Variants in EHBP1 observed in about 807,000 individuals in gnomAD.
EHBP1 encodes the protein EH domain binding protein 1, also known as EH domain-binding protein 1.
EHBP1 carries 55 observed loss-of-function variants against 144.0 expected under a neutral mutation model. The ratio of observed to expected loss-of-function variants is 0.38; its 90% CI spans 0.31 to 0.48. The LOEUF is 0.48. Among genes scored for constraint, EHBP1 ranks in the 20% least tolerant of loss-of-function variants. The pLI is 0.98. For missense variants in EHBP1, 1,200 were observed against 1,364.2 expected (o/e 0.88, Z 1.90); for synonymous variants, 469 against 472.7 (o/e 0.99, Z 0.10).
chr2:62,837,800 T>C (rs940477120), intron 7 of EHBP1, among the ~76,000 whole-genome samples: 21 of 152,130 alleles, frequency 1.4e-4, no homozygotes, highest in African/African-American at 5.1e-4. Flanking sequence ...TTATCCTAAA[T>C]ATATATGCAC....
chr2:62,844,471 G>A (rs954234646), intron 7 of EHBP1, among the ~76,000 whole-genome samples: 2 of 152,126 alleles, frequency 1.3e-5, no homozygotes, highest in African/African-American at 2.4e-5. Flanking sequence ...AGACCTTGGA[G>A]CTGGAGAAAA....
At chr2:62,964,637 A>G (rs1418018419) in intron 14 of EHBP1, among the ~76,000 whole-genome samples, 1 of 152,188 alleles carries the variant, frequency 6.6e-6, no homozygotes, top group African/African-American at 2.4e-5. Context: ...ACTTGATGTA[A>G]AATAATCTGA....
intron 9 of EHBP1, among the ~76,000 whole-genome samples, chr2:62,872,793 T>G (rs2050591875): frequency 6.6e-6 from 1 of 152,162 alleles, no homozygotes; most frequent in Non-Finnish European, 1.5e-5. Context: ...ACTAATCTAC[T>G]TTCTGTTTCT....
chr2:62,765,141 T>A (rs2041075978), intron 4 of EHBP1, among the ~76,000 whole-genome samples: 1 of 152,128 alleles, frequency 6.6e-6, no homozygotes, highest in Non-Finnish European at 1.5e-5. Flanking sequence ...CTAGAAGCAA[T>A]TCTCATTACA....
intron 7 of EHBP1, among the ~76,000 whole-genome samples, chr2:62,838,425 A>G (rs1216584120): frequency 6.6e-6 from 1 of 151,952 alleles, no homozygotes; most frequent in African/African-American, 2.4e-5. Flanking sequence ...ATCACAATTA[A>G]AAGAACTAGA....
intron 2 of EHBP1, among the ~76,000 whole-genome samples, chr2:62,720,955 G>A (rs2036170256): frequency 6.6e-6 from 1 of 152,080 alleles, no homozygotes; most frequent in African/African-American, 2.4e-5. Flanking sequence ...CTTTTTTTGG[G>A]TAAAATTTGA....
chr2:62,700,169 TA>T (rs540027288), intron 1 of EHBP1, among the ~76,000 whole-genome samples: 25 of 146,882 alleles, frequency 1.7e-4, no homozygotes, highest in African/African-American at 2.2e-4. Flanking sequence ...AATGATAGAG[TA>T]AAAAAAAAAG....
At chr2:62,953,131 T>C (rs752003333) in intron 13 of EHBP1, among the ~76,000 whole-genome samples, 3 of 149,502 alleles carry the variant, frequency 2.0e-5, no homozygotes, top group Non-Finnish European at 3.0e-5. Flanking sequence ...GCAGGAGAAT[T>C]GCTTGAACCC....
chr2:62,722,947 A>T (rs1348250384), intron 2 of EHBP1, among the ~76,000 whole-genome samples: 1 of 152,212 alleles, frequency 6.6e-6, no homozygotes, highest in African/African-American at 2.4e-5. Context: ...ATTTTAGAGT[A>T]TGTGCCAAGT....
At chr2:62,721,351 C>G (rs2036206299) in intron 2 of EHBP1, among the ~76,000 whole-genome samples, 1 of 152,178 alleles carries the variant, frequency 6.6e-6, no homozygotes, top group South Asian at 2.1e-4. Flanking sequence ...ATCAACGTGA[C>G]TTATCACTGG....
chr2:62,966,065 C>T (rs184678862), intron 14 of EHBP1, among the ~76,000 whole-genome samples: 9 of 152,314 alleles, frequency 5.9e-5, no homozygotes, highest in Admixed American at 5.2e-4. Context: ...ACTAAATATA[C>T]AGCCAAGCTT....
At chr2:63,013,140 G>A (rs767455451) in intron 19 of EHBP1, among the ~76,000 whole-genome samples, 12 of 152,150 alleles carry the variant, frequency 7.9e-5, no homozygotes, top group Non-Finnish European at 1.8e-4. Flanking sequence ...TACATAGTGA[G>A]CAATAAGCCT....
At chr2:62,841,058 T>A (rs929824987) in intron 7 of EHBP1, among the ~76,000 whole-genome samples, 1 of 152,090 alleles carries the variant, frequency 6.6e-6, no homozygotes, top group Non-Finnish European at 1.5e-5. Flanking sequence ...TATTGCGGCA[T>A]TATTCACAAT....
chr2:62,991,712 G>A (rs1342544674), intron 16 of EHBP1, among the ~76,000 whole-genome samples: 1 of 152,134 alleles, frequency 6.6e-6, no homozygotes, highest in Non-Finnish European at 1.5e-5. Context: ...ACAGTGATTA[G>A]TATTTCTGTA....
At chr2:62,969,421 G>A (rs1469189892) in intron 14 of EHBP1, among the ~76,000 whole-genome samples, 4 of 152,092 alleles carry the variant, frequency 2.6e-5, no homozygotes, top group Non-Finnish European at 5.9e-5. Context: ...AATACTTGCT[G>A]TATCTTGAAA....
intron 10 of EHBP1, among the ~76,000 whole-genome samples, chr2:62,903,362 T>C (rs1431823891): frequency 1.3e-5 from 2 of 152,186 alleles, no homozygotes; most frequent in Non-Finnish European, 2.9e-5. Context: ...GTTCTAATTT[T>C]AAAATATGTA....
At chr2:62,953,693 A>C (rs1056141933) in intron 13 of EHBP1, among the ~76,000 whole-genome samples, 6 of 152,112 alleles carry the variant, frequency 3.9e-5, no homozygotes, top group African/African-American at 1.4e-4. Flanking sequence ...ACTACTACTA[A>C]TGTTTATTTT....
intron 7 of EHBP1, among the ~76,000 whole-genome samples, chr2:62,847,876 A>G (rs995012753): frequency 6.6e-6 from 1 of 152,206 alleles, no homozygotes; most frequent in African/African-American, 2.4e-5. Flanking sequence ...ATCTATCACT[A>G]GCCAAATGGC....
chr2:62,936,678 A>AT (rs2056408478), intron 10 of EHBP1, among the ~76,000 whole-genome samples: 1 of 151,770 alleles, frequency 6.6e-6, no homozygotes, highest in Admixed American at 6.6e-5. Context: ...TTTGTAGAAG[A>AT]TTAAAAAAAA....
Sources: gnomAD v4.1 joint callset for allele counts (sites outside exome capture counted in the v4.1 genomes callset) on GRCh38, gnomAD v4.1.1 for gene constraint, MANE v1.5 for transcripts, NCBI Gene and HGNC (gene_info 2026-07-23, HGNC 2026-07-21) for gene names.